The following DDB1 variants were observed in gnomAD, a reference collection of about 807,000 sequenced individuals.
The protein encoded by DDB1 is damage specific DNA binding protein 1, also known as DNA damage-binding protein 1.
A neutral mutation model predicts 133.1 loss-of-function variants in DDB1; 18 were observed. The observed-to-expected ratio is 0.14, with a 90% CI of 0.09 to 0.20. The LOEUF (loss-of-function observed/expected upper bound fraction) is 0.20, where lower values mean the gene tolerates loss of function less well. Among genes scored for constraint, DDB1 ranks in the 10% least tolerant of loss-of-function variants. DDB1 has a pLI of 1.00. For synonymous variants in DDB1, 580 were observed against 550.5 expected (o/e 1.05, Z -0.75); for missense variants, 828 against 1,459.2 (o/e 0.57, Z 7.05).
At chr11:61,319,203 C>T (rs1031964852) in intron 10 of DDB1, among the ~76,000 whole-genome samples, 23 of 152,130 alleles carry the variant, frequency 1.5e-4, no homozygotes. Context: ...GAGACCCTAT[C>T]TCAAAAAATG....
chr11:61,322,731 A>T (rs1856203124), intron 8 of DDB1: 1 of 541,880 alleles, frequency 1.8e-6, no homozygotes. Flanking sequence ...ATTCTAGAAG[A>T]AGTCCATTAC....
intron 16 of DDB1, 123 bp downstream of exon 16, chr11:61,313,376 A>G: frequency 1.1e-6 from 1 of 905,382 alleles, no homozygotes. Flanking sequence ...GAACCTCTGC[A>G]CTATACTTCC....
Position 61,330,081 on chromosome 11 carries a change from A to G in DDB1, c.211-7T>C. ...GCAGGTCCTTGCTCTCCCCCTGGAA[A>G]CCAATATTATGCTATCAAAAGAGGT... On this transcript the variant is annotated splice_region_variant and splice_polypyrimidine_tract_variant and intron_variant, in intron 2 of 26. Coordinates refer to ENST00000301764, the MANE Select transcript of DDB1 (RefSeq NM_001923.5). 1 of 1,609,286 alleles carries G rather than the reference A, an allele frequency of 6.2e-7. No individual in the cohort carries two copies. Among genetic ancestry groups the G allele is most frequent in the Middle Eastern group, 1.7e-4 (1 of 6,038 alleles).
At chr11:61,325,905 G>A in intron 5 of DDB1, 197 bp from the exon 6 acceptor site, 9 of 648,840 alleles carry the variant, frequency 1.4e-5, no homozygotes, top group Non-Finnish European at 2.5e-5. Flanking sequence ...TCTAATCCTG[G>A]TAGTATTTTT....
At chr11:61,329,683 T>A in intron 3 of DDB1, 99 bp from the exon 4 acceptor site, 1 of 1,132,540 alleles carries the variant, frequency 8.8e-7, no homozygotes, top group Non-Finnish European at 1.3e-6. Context: ...GGAGAGGTAT[T>A]AAAACTAATG....
rs938711142 is a variant in DDB1 at position 61,299,747 on chromosome 11, TAA to T, written c.*387_*388del. 14 of 246,646 alleles carry T rather than the reference TAA, an allele frequency of 5.7e-5. No homozygotes were observed. The highest frequency in any genetic ancestry group is 1.0e-4 in the East Asian group (1 of 9,758). The allele number at this position is 246,646 out of a possible 1,614,324, so 15.3% of individuals were successfully genotyped here. A position where few individuals can be genotyped will look rare whatever the true frequency, so the allele number is the denominator to read the frequency against. Reference sequence around the variant, plus strand: ...CAACTCCCTACACTGCCAATCTAAATAAAAAGAGGACAATGCATGAGTGTGAG... The same window carrying T: ...CAACTCCCTACACTGCCAATCTAAATAAAGAGGACAATGCATGAGTGTGAG... On this transcript the variant is annotated 3_prime_UTR_variant, in exon 27 of 27. Transcript: ENST00000301764.
rs371396536 is a variant in DDB1, at chr11:61,316,509, A to G, written c.1284T>C (p.Ser428=). 4 of 1,614,054 alleles carry G rather than the reference A, an allele frequency of 2.5e-6. No individual in the cohort carries two copies. In the African/African-American group the frequency reaches 5.3e-5, roughly 22 times the overall value. Residue 428 remains serine, a synonymous_variant, in exon 11 of 27, where the codon TCT becomes TCC. Transcript: ENST00000301764. The stretch of plus-strand genomic sequence containing the variant: ...ATCCTTACCTTGTCTGGCCCACAAA[A>G]GAGAGCACCAAAGTGTCATCAGTCT... The part of the protein sequence containing the change: ...NRETDDTLVL[S]FVGQTRVLML...
chr11:61,325,954 G>A, intron 5 of DDB1: 2 of 566,658 alleles, frequency 3.5e-6, no homozygotes, highest in South Asian at 4.1e-5. Context: ...CCTATGGGTG[G>A]GGAGTCTTCT....
chr11:61,323,024 G>C lies in DDB1; in HGVS notation c.992C>G (p.Ser331Cys), dbSNP rs373709587. ...GTGTCTTCTCACCTTCACAAGCTGG[G>C]AGTCACCCAGGCGAGACCCGACAAA... ...VVFVGSRLGD[S>C]QLVKLNVDSN... Residue 331 changes from serine (S) to cysteine (C), a missense_variant, in exon 8 of 27, where the codon TCC becomes TGC. Ser to Cys is a moderately radical substitution (Grantham distance 112). Coordinates refer to ENST00000301764, the MANE Select transcript of DDB1 (RefSeq NM_001923.5). 1 of 1,613,688 alleles carries C rather than the reference G, an allele frequency of 6.2e-7. No individual in the cohort carries two copies. The highest frequency in any genetic ancestry group is 8.5e-7 in the Non-Finnish European group (1 of 1,179,916).
At position 61,309,076 on chromosome 11, in the gene DDB1, T is replaced by C; in HGVS notation, c.2568A>G (p.Gly856=). 6.2e-7 allele frequency: 1 copy of C among 1,614,156 alleles called. No homozygotes were observed. Among genetic ancestry groups the C allele is most frequent in the Non-Finnish European group, 8.5e-7 (1 of 1,180,010 alleles). ...CCTTTTCAGCCACAGTCTGTAGTTT[T>C]CCTGGGGGTGGAAAAAATATGTTTG... is the stretch of plus-strand genomic sequence containing the variant. ...GRIVVFQYSD[G]KLQTVAEKEV... is the part of the protein sequence containing the mutation. Residue 856 remains glycine (G), a splice_region_variant and synonymous_variant, in exon 21 of 27, where the codon GGA becomes GGG. Coordinates refer to ENST00000301764, the MANE Select transcript of DDB1 (RefSeq NM_001923.5).
In DDB1 at chr11:61,311,915, C is replaced by A. The variant is rs1855979578; in HGVS notation, c.2166-20G>T. 6.2e-7 allele frequency: 1 copy of A among 1,613,914 alleles called. No homozygotes were observed. The highest frequency in any genetic ancestry group is 1.7e-5 in the Admixed American group (1 of 60,002). On this transcript the variant is annotated intron_variant, in intron 17 of 26. Transcript: ENST00000301764. ...ATCTTCCTGCAGAACAAGTACAGAA[C>A]AACAGTGTCACTTAGAAAGTCAGAA...
rs967073282 is a variant in DDB1 at position 61,329,224 on chromosome 11, T to C, written c.549+139A>G. The C allele has an allele frequency of 9.1e-5, 71 of 782,586 alleles. No homozygotes were observed. The African/African-American group carries it at 1.1e-3, about 12-fold the overall frequency. 48.5% of individuals were successfully genotyped at this position (782,586 alleles called of 1,614,324 possible). A position where few individuals can be genotyped will look rare whatever the true frequency, so the allele number is the denominator to read the frequency against. ...GCAACGAAAGTCTGACCCATATTAA[T>C]TGTGTTGTTCAAAACATTTCAGGAC... On this transcript the variant is annotated intron_variant, in intron 4 of 26. Coordinates refer to ENST00000301764, the MANE Select transcript of DDB1 (RefSeq NM_001923.5).
rs767827916 is a variant in DDB1 at position 61,325,693 on chromosome 11, C to A, written c.680G>T (p.Gly227Val). Reference protein sequence around the residue: ...SMVIAVPEPFGGAIIIGQESI... With the variant: ...SMVIAVPEPFVGAIIIGQESI... ...CTCCTGTCCAATGATGATGGCCCCC[C>A]CAAAGGGCTCTGGGACTGCAGGAAA... The change falls in exon 6 of 27, where the codon GGG becomes GTG. Residue 227 changes from glycine to valine, a missense_variant. Coordinates refer to ENST00000301764, the MANE Select transcript of DDB1 (RefSeq NM_001923.5). 7.4e-6 allele frequency: 12 copies of A among 1,612,764 alleles called. No individual in the cohort carries two copies. Among genetic ancestry groups the A allele is most frequent in the African/African-American group, 4.0e-5 (3 of 74,886 alleles).
At position 61,311,859 on chromosome 11, in the gene DDB1, C is replaced by T. The variant is rs1313241135; in HGVS notation, c.2202G>A (p.Gly734=). Residue 734 remains glycine (G), a synonymous_variant, in exon 18 of 27, where the codon GGG becomes GGA. Coordinates refer to ENST00000301764, the MANE Select transcript of DDB1 (RefSeq NM_001923.5). ...ICYQEVSQCF[G]VLSSRIEVQD... ...GGACTTCAATGCGGCTGGAGAGGAC[C>T]CCGAAACACTGGGACACTTCCTGGT... 6.2e-7 allele frequency: 1 copy of T among 1,614,150 alleles called. No individual in the cohort carries two copies. The highest frequency in any genetic ancestry group is 8.5e-7 in the Non-Finnish European group (1 of 1,180,028).
chr11:61,325,510 G>A (rs775392795), intron 6 of DDB1, 101 bp downstream of exon 6: 3 of 914,494 alleles, frequency 3.3e-6, no homozygotes, highest in Middle Eastern at 3.4e-4. Flanking sequence ...TTGTGTAACA[G>A]GCATCTGTGA....
chr11:61,311,956 CCCCACTT>C, intron 17 of DDB1, 26 bp downstream of exon 17: 5 of 1,613,882 alleles, frequency 3.1e-6, no homozygotes, highest in Non-Finnish European at 4.2e-6. Flanking sequence ...CTACACCAAC[CCCCACTT>C]CCCACTCTCC....
intron 21 of DDB1, among the ~76,000 whole-genome samples, chr11:61,304,487 GAAAGA>G (rs759031195): frequency 2.0e-5 from 3 of 151,778 alleles, no homozygotes; most frequent in Non-Finnish European, 4.4e-5. Context: ...AAGAAAGAAA[GAAAGA>G]AAAGTCCAAC....
rs11822158 is a variant in DDB1, at chr11:61,310,164, A to G, written c.2401+131T>C. 55,059 of 1,424,270 alleles carry G rather than the reference A, an allele frequency of 0.039. 10,626 individuals carry two copies. The African/African-American group carries it at 0.52, about 13-fold the overall frequency. The allele number at this position is 1,424,270 out of a possible 1,614,324, so 88.2% of individuals were successfully genotyped here. A position where few individuals can be genotyped will look rare whatever the true frequency, so the allele number is the denominator to read the frequency against. ...TCCAAACTCACTGCCATCTCACAGAATTCCCACCCCTCCTTTCTGCTCCTC... is the reference window on the plus strand; with the variant it reads ...TCCAAACTCACTGCCATCTCACAGAGTTCCCACCCCTCCTTTCTGCTCCTC... On this transcript the variant is annotated intron_variant, in intron 19 of 26. Coordinates refer to ENST00000301764, the MANE Select transcript of DDB1 (RefSeq NM_001923.5).
intron 23 of DDB1, 107 bp from the exon 24 acceptor site, chr11:61,302,858 A>T: frequency 7.0e-7 from 1 of 1,435,462 alleles, no homozygotes; most frequent in Non-Finnish European, 9.6e-7. Flanking sequence ...TGGGGAGCTG[A>T]CATACTCCAC....
Sources: gnomAD v4.1 joint callset for allele counts (sites outside exome capture counted in the v4.1 genomes callset) on GRCh38, gnomAD v4.1.1 for gene constraint, MANE v1.5 for transcripts, NCBI Gene and HGNC (gene_info 2026-07-23, HGNC 2026-07-21) for gene names.